ATP6V1D: variants seen among roughly 807,000 people sequenced by gnomAD.
ATP6V1D encodes the protein ATPase H+ transporting V1 subunit D.
In ATP6V1D, 20 loss-of-function variants were observed where a neutral mutation model predicts 39.4. The ratio of observed to expected loss-of-function variants is 0.51; its 90% CI spans 0.36 to 0.74. ATP6V1D has a LOEUF of 0.74. Among genes scored for constraint, ATP6V1D ranks in the 30% least tolerant of loss-of-function variants. The probability of loss-of-function intolerance (pLI) is 0.00; values close to 1 mark genes in which losing one functional copy is unlikely to be tolerated. For missense variants in ATP6V1D, 228 were observed against 291.6 expected, an observed-to-expected ratio of 0.78 and a Z score of 1.59; for synonymous variants, 100 against 100.5, an observed-to-expected ratio of 0.99 and a Z score of 0.03.
chr14:67,347,341 T>C, intron 5 of ATP6V1D, 68 bp downstream of exon 5: 1 of 1,292,676 alleles, frequency 7.7e-7, no homozygotes, highest in South Asian at 1.3e-5. Context: ...TTTCCAGAAC[T>C]TAGTTCATTT....
Position 67,338,858 on chromosome 14 carries a change from T to A in ATP6V1D, c.603-96A>T, listed in dbSNP as rs1046624973. 1.4e-5 allele frequency: 15 copies of A among 1,082,034 alleles called. No individual in the cohort carries two copies. In the Admixed American group the frequency reaches 3.8e-4, roughly 27 times the overall value. 67.0% of individuals were successfully genotyped at this position (1,082,034 alleles called of 1,614,324 possible). A position where few individuals can be genotyped will look rare whatever the true frequency, so the allele number is the denominator to read the frequency against. ...TTTTGTAACAAGGATAATAAACACA[T>A]ACCTAGAAAAAAACCTGGTACTTTT... On this transcript the variant is annotated intron_variant, in intron 8 of 8. Coordinates refer to ENST00000216442, the MANE Select transcript of ATP6V1D (RefSeq NM_015994.4).
rs149633872 is a variant in ATP6V1D at position 67,349,116 on chromosome 14, G to C, written c.240-12C>G. 1.5e-4 allele frequency: 240 copies of C among 1,612,838 alleles called. No individual in the cohort carries two copies. In the East Asian group the frequency reaches 4.3e-3, roughly 29 times the overall value. ...GGATAACTGTAGTGCTGCAGAAAAA[G>C]AGAAAGACTTTATTTAGCAGACTCT... is the stretch of plus-strand genomic sequence containing the variant. On this transcript the variant is annotated splice_polypyrimidine_tract_variant and intron_variant, in intron 3 of 8. Transcript: ENST00000216442.
chr14:67,342,224 A>T (rs1053264243), intron 7 of ATP6V1D, among the ~76,000 whole-genome samples: 35 of 142,302 alleles, frequency 2.5e-4, no homozygotes, highest in Non-Finnish European at 3.7e-4. Flanking sequence ...AAAATAAAAT[A>T]AAAAAAAACA....
At chr14:67,348,030 A>G (rs2085632228) in intron 4 of ATP6V1D, among the ~76,000 whole-genome samples, 1 of 151,304 alleles carries the variant, frequency 6.6e-6, no homozygotes, top group Non-Finnish European at 1.5e-5. Context: ...CTCCCACCTC[A>G]GCCTCCTGAG....
chr14:67,356,980 G>T lies in ATP6V1D; in HGVS notation c.41+2678C>A, dbSNP rs143254564. Among the ~76,000 whole-genome samples the T allele has an allele frequency of 2.8e-3, 431 of 152,274 alleles. 8 individuals are homozygous for T. The highest frequency in any genetic ancestry group is 0.027 in the Admixed American group (412 of 15,290). On this transcript the variant is annotated intron_variant, in intron 1 of 8. Coordinates refer to ENST00000216442, the MANE Select transcript of ATP6V1D (RefSeq NM_015994.4). ...AAAAGGTAAACTGGTTGATAAAATTGAATTTACCATGTTAATTTTATTTTC... is the reference window on the plus strand; with the variant it reads ...AAAAGGTAAACTGGTTGATAAAATTTAATTTACCATGTTAATTTTATTTTC...
At chr14:67,348,353 A>G (rs2085634637) in intron 4 of ATP6V1D, among the ~76,000 whole-genome samples, 1 of 151,976 alleles carries the variant, frequency 6.6e-6, no homozygotes. Context: ...TACAGGTGTG[A>G]GCCATCACAC....
At chr14:67,347,726 C>T (rs1201360011) in intron 4 of ATP6V1D, among the ~76,000 whole-genome samples, 1 of 151,862 alleles carries the variant, frequency 6.6e-6, no homozygotes, top group African/African-American at 2.4e-5. Flanking sequence ...TCTTGAACTT[C>T]CGACCTCAGG....
chr14:67,347,558 A>C, intron 4 of ATP6V1D, 105 bp from the exon 5 acceptor site: 2 of 977,224 alleles, frequency 2.0e-6, no homozygotes, highest in South Asian at 1.5e-5. Context: ...CTGGAATGCA[A>C]TGGCGTGATC....
At chr14:67,347,871 T>C (rs1254426929) in intron 4 of ATP6V1D, among the ~76,000 whole-genome samples, 1 of 152,062 alleles carries the variant, frequency 6.6e-6, no homozygotes, top group Non-Finnish European at 1.5e-5. Context: ...AGCTTAAGTA[T>C]GGAATTGTAA....
At chr14:67,351,789 G>C (rs1008298075) in intron 2 of ATP6V1D, among the ~76,000 whole-genome samples, 1 of 151,760 alleles carries the variant, frequency 6.6e-6, no homozygotes, top group African/African-American at 2.4e-5. Context: ...CCAAAGTGTT[G>C]GGATTACAGG....
In ATP6V1D at chr14:67,338,488, G is replaced by C; in HGVS notation, c.*133C>G. ...TTCTGCAAAAGTAATCCCATAAATA[G>C]ACATCTAGGTAAATTTTACAACCAG... On this transcript the variant is annotated 3_prime_UTR_variant, in exon 9 of 9. Transcript: ENST00000216442. 3.2e-6 allele frequency: 3 copies of C among 943,882 alleles called. No individual in the cohort carries two copies. In the East Asian group the frequency reaches 7.6e-5, roughly 24 times the overall value. 58.5% of individuals were successfully genotyped at this position (943,882 alleles called of 1,614,324 possible). A position where few individuals can be genotyped will look rare whatever the true frequency, so the allele number is the denominator to read the frequency against.
At chr14:67,355,289 TCTC>T (rs1449490980) in intron 1 of ATP6V1D, among the ~76,000 whole-genome samples, 1 of 151,324 alleles carries the variant, frequency 6.6e-6, no homozygotes, top group Non-Finnish European at 1.5e-5. Context: ...TACACTGAAG[TCTC>T]CTCACTTCCT....
chr14:67,343,369 C>T lies in ATP6V1D; in HGVS notation c.523+3G>A. Reference sequence around the variant, plus strand: ...AAAGCACCTCACAGTACCTAATACTCACCATGTTCAATGGCATTTACACGC... The same window carrying T: ...AAAGCACCTCACAGTACCTAATACTTACCATGTTCAATGGCATTTACACGC... On this transcript the variant is annotated splice_donor_region_variant and intron_variant, in intron 7 of 8. Coordinates refer to ENST00000216442, the MANE Select transcript of ATP6V1D (RefSeq NM_015994.4). 1 of 1,609,122 alleles carries T rather than the reference C, an allele frequency of 6.2e-7. No homozygotes were observed. Among genetic ancestry groups the T allele is most frequent in the Non-Finnish European group, 8.5e-7 (1 of 1,175,776 alleles).
At position 67,349,063 on chromosome 14, in the gene ATP6V1D, A is replaced by G; in HGVS notation, c.281T>C (p.Ile94Thr). The change falls in exon 4 of 9, where the codon ATT (isoleucine) becomes ACT (threonine). Residue 94 changes from isoleucine to threonine, a missense_variant. Coordinates refer to ENST00000216442, the MANE Select transcript of ATP6V1D (RefSeq NM_015994.4). Reference protein sequence around the residue: ...IQNVNKAQVKIRAKKDNVAGV... With the variant: ...IQNVNKAQVKTRAKKDNVAGV... ...TGCTACATTATCTTTCTTCGCTCGA[A>G]TCTTCACTTGCGCTTTATTGACATT... 1 of 1,614,148 alleles carries G rather than the reference A, an allele frequency of 6.2e-7. No homozygotes were observed. The highest frequency in any genetic ancestry group is 8.5e-7 in the Non-Finnish European group (1 of 1,179,996).
chr14:67,340,709 T>G (rs2085574029), intron 7 of ATP6V1D, among the ~76,000 whole-genome samples, 191 bp from the exon 8 acceptor site: 1 of 152,082 alleles, frequency 6.6e-6, no homozygotes, highest in Admixed American at 6.5e-5. Flanking sequence ...CCCCACGGTC[T>G]CCCTCTGATG....
In ATP6V1D at chr14:67,340,424, G is replaced by A. The variant is rs761462451; in HGVS notation, c.602+16C>T. The A allele has an allele frequency of 6.2e-6, 10 of 1,606,998 alleles. No homozygotes were observed. The Admixed American group carries it at 1.0e-4, about 16-fold the overall frequency. On this transcript the variant is annotated intron_variant, in intron 8 of 8. Coordinates refer to ENST00000216442, the MANE Select transcript of ATP6V1D (RefSeq NM_015994.4). ...GGAAAACAAAAGATGATCAATAACT[G>A]CCAATTTCAACAAACCTATAGAACT...
intron 1 of ATP6V1D, 41 bp downstream of exon 1, chr14:67,359,617 C>T (rs1385859833): frequency 5.6e-6 from 9 of 1,612,738 alleles, no homozygotes; most frequent in Non-Finnish European, 7.6e-6. Context: ...GCTCCGGGTT[C>T]CTAAACCTGT....
intron 1 of ATP6V1D, among the ~76,000 whole-genome samples, chr14:67,354,551 G>C (rs1200413875): frequency 6.6e-6 from 1 of 152,140 alleles, no homozygotes; most frequent in Non-Finnish European, 1.5e-5. Flanking sequence ...GCAAAAGGGA[G>C]AAACAAGCTA....
chr14:67,340,846 G>A (rs555143187), intron 7 of ATP6V1D, among the ~76,000 whole-genome samples: 5 of 152,170 alleles, frequency 3.3e-5, no homozygotes, highest in African/African-American at 7.2e-5. Flanking sequence ...ACTGGTTTTC[G>A]TATTTTTTTG....
Sources: gnomAD v4.1 joint callset for allele counts (sites outside exome capture counted in the v4.1 genomes callset) on GRCh38, gnomAD v4.1.1 for gene constraint, MANE v1.5 for transcripts, NCBI Gene and HGNC (gene_info 2026-07-23, HGNC 2026-07-21) for gene names.